The following FAM120C variants were observed in gnomAD, a reference collection of about 807,000 sequenced individuals.
FAM120C encodes family with sequence similarity 120 member C.
A neutral mutation model predicts 71.2 loss-of-function variants in FAM120C; 14 were observed. The observed-to-expected ratio is 0.20, with a 90% CI of 0.13 to 0.31. The LOEUF (loss-of-function observed/expected upper bound fraction) is 0.31, where lower values mean the gene tolerates loss of function less well. Among genes scored for constraint, FAM120C ranks in the 10% least tolerant of loss-of-function variants. The probability of loss-of-function intolerance (pLI) is 1.00; values close to 1 mark genes in which losing one functional copy is unlikely to be tolerated. For synonymous variants in FAM120C, 354 were observed against 353.2 expected (o/e 1.00, Z -0.03); for missense variants, 500 against 879.0 (o/e 0.57, Z 5.45).
At position 54,085,758 on chromosome X, in the gene FAM120C, G is replaced by A; in HGVS notation, c.2796C>T (p.Gly932=). 8.3e-7 allele frequency: 1 copy of A among 1,211,581 alleles called. No homozygotes were observed. The highest frequency in any genetic ancestry group is 1.8e-5 in the South Asian group (1 of 56,985). ...YPVSLYSRAM[G]SMPLPPQGRS... Reference sequence around the variant, plus strand: ...TCCCTTGAGGGGGAAGTGGCATGGAGCCCATAGCTCGGGAATAAAGTGAAA... The same window carrying A: ...TCCCTTGAGGGGGAAGTGGCATGGAACCCATAGCTCGGGAATAAAGTGAAA... The change falls in exon 13 of 16, where the codon GGC becomes GGT. Residue 932 remains glycine (G), a synonymous_variant. Coordinates refer to ENST00000375180, the MANE Select transcript of FAM120C (RefSeq NM_017848.6).
At chrX:54,180,453 G>A (rs1314648277) in intron 1 of FAM120C, among the ~76,000 whole-genome samples, 2 of 112,082 alleles carry the variant, frequency 1.8e-5, no homozygotes, top group Non-Finnish European at 3.8e-5. Context: ...CCTTGAGGAC[G>A]GGATCCCCTT....
Position 54,126,222 on chromosome X carries a change from GC to G in FAM120C, c.2062+6469del, listed in dbSNP as rs781826250. ...TTCATTTTCTTGCCTTACTGGTCTG[GC>G]TAAAACTTCCATTAGTATGTTGAAG... On this transcript the variant is annotated intron_variant, in intron 9 of 15. Transcript: ENST00000375180. Among the ~76,000 whole-genome samples, 59 of 111,796 alleles carry G rather than the reference GC, an allele frequency of 5.3e-4. 2 individuals carry two copies. The East Asian group carries it at 9.8e-3, about 19-fold the overall frequency.
At chrX:54,098,019 C>T (rs2066862295) in intron 10 of FAM120C, among the ~76,000 whole-genome samples, 2 of 108,168 alleles carry the variant, frequency 1.8e-5, no homozygotes, top group South Asian at 8.1e-4. Flanking sequence ...AGCCACTGTG[C>T]CCGGCCTATT....
At chrX:54,086,098 G>A (rs889759867) in intron 12 of FAM120C, among the ~76,000 whole-genome samples, 182 bp from the exon 13 acceptor site, 13 of 111,332 alleles carry the variant, frequency 1.2e-4, no homozygotes, top group African/African-American at 3.3e-4. Context: ...CCAAAGCCCC[G>A]ACTCTTTACA....
chrX:54,124,708 C>T (rs782754225), intron 9 of FAM120C, among the ~76,000 whole-genome samples: 1 of 110,264 alleles, frequency 9.1e-6, no homozygotes, highest in Admixed American at 9.7e-5. Context: ...AGCTGTAGAC[C>T]GGAGCTGTTC....
intron 1 of FAM120C, among the ~76,000 whole-genome samples, chrX:54,168,469 T>G (rs1557135506): frequency 8.9e-6 from 1 of 112,282 alleles, no homozygotes; most frequent in Admixed American, 9.5e-5. Context: ...CCTGAGCTCA[T>G]AGTCACCATT....
intron 4 of FAM120C, among the ~76,000 whole-genome samples, chrX:54,144,898 C>T (rs1446595721): frequency 3.6e-5 from 4 of 111,808 alleles, no homozygotes; most frequent in Non-Finnish European, 7.5e-5. Flanking sequence ...AGGCATCACA[C>T]TACCTGACTT....
At chrX:54,083,565 G>A (rs1254548159) in intron 13 of FAM120C, among the ~76,000 whole-genome samples, 3 of 109,794 alleles carry the variant, frequency 2.7e-5, no homozygotes, top group Non-Finnish European at 3.8e-5. Context: ...AGCCCAGGAA[G>A]TTGAGGCTGC....
chrX:54,106,600 C>G (rs1172365016), intron 10 of FAM120C, among the ~76,000 whole-genome samples: 1 of 111,885 alleles, frequency 8.9e-6, no homozygotes, highest in East Asian at 2.8e-4. Context: ...GCAAAAGAAA[C>G]TATCATCAGA....
intron 5 of FAM120C, among the ~76,000 whole-genome samples, chrX:54,135,887 G>A (rs1166291205): frequency 3.6e-5 from 4 of 111,051 alleles, no homozygotes; most frequent in African/African-American, 1.3e-4. Flanking sequence ...AGACCCCAAA[G>A]ACAGGGATAT....
At chrX:54,109,576 C>G (rs1476911647) in intron 10 of FAM120C, among the ~76,000 whole-genome samples, 2 of 107,289 alleles carry the variant, frequency 1.9e-5, no homozygotes, top group Non-Finnish European at 3.8e-5. Flanking sequence ...GATCACACCA[C>G]TGCACTCCAG....
chrX:54,098,705 TC>T (rs1365442661), intron 10 of FAM120C, among the ~76,000 whole-genome samples: 1 of 111,189 alleles, frequency 9.0e-6, no homozygotes, highest in Non-Finnish European at 1.9e-5. Flanking sequence ...CTCACTGCAA[TC>T]TCCCCTTCCT....
chrX:54,149,582 T>C (rs1213084474), intron 4 of FAM120C, among the ~76,000 whole-genome samples: 3 of 109,007 alleles, frequency 2.8e-5, no homozygotes, highest in Non-Finnish European at 5.7e-5. Context: ...GAGGTTGTAG[T>C]GAGCCAAGAT....
At chrX:54,106,000 T>C (rs1214143271) in intron 10 of FAM120C, among the ~76,000 whole-genome samples, 2 of 111,730 alleles carry the variant, frequency 1.8e-5, no homozygotes, top group Non-Finnish European at 3.8e-5. Context: ...AATTTATAGA[T>C]TCAATGCCAT....
intron 10 of FAM120C, among the ~76,000 whole-genome samples, chrX:54,104,858 G>A (rs1228375269): frequency 1.8e-5 from 2 of 111,030 alleles, no homozygotes; most frequent in African/African-American, 6.5e-5. Flanking sequence ...ACTAAACCAG[G>A]AAGAAGTCGA....
chrX:54,151,895 A>G (rs1293369320), intron 3 of FAM120C, among the ~76,000 whole-genome samples: 4 of 111,996 alleles, frequency 3.6e-5, no homozygotes, highest in African/African-American at 1.3e-4. Context: ...GATTTGCTTT[A>G]AAAAACATTA....
At chrX:54,104,772 C>A (rs1249604468) in intron 10 of FAM120C, among the ~76,000 whole-genome samples, 1 of 107,279 alleles carries the variant, frequency 9.3e-6, no homozygotes, top group African/African-American at 3.4e-5. Context: ...CGTGCCACTG[C>A]ACTTCAGCCT....
chrX:54,141,467 T>G (rs1373124980), intron 4 of FAM120C, among the ~76,000 whole-genome samples: 1 of 111,005 alleles, frequency 9.0e-6, no homozygotes, highest in Non-Finnish European at 1.9e-5. Flanking sequence ...AAACTAGGAA[T>G]AGAAGATAAC....
At chrX:54,094,621 A>G (rs782732344) in intron 10 of FAM120C, among the ~76,000 whole-genome samples, 2 of 108,884 alleles carry the variant, frequency 1.8e-5, no homozygotes, top group Non-Finnish European at 3.8e-5. Context: ...AGTGGCAGCC[A>G]GGCACAGTGG....
Sources: gnomAD v4.1 joint callset for allele counts (sites outside exome capture counted in the v4.1 genomes callset) on GRCh38, gnomAD v4.1.1 for gene constraint, MANE v1.5 for transcripts, NCBI Gene and HGNC (gene_info 2026-07-23, HGNC 2026-07-21) for gene names.